The following CYP2A6 variants were observed in gnomAD, a reference collection of about 807,000 sequenced individuals.
CYP2A6 encodes cytochrome P450 2A6.
In CYP2A6, 27 loss-of-function variants were observed where a neutral mutation model predicts 42.3. The ratio of observed to expected loss-of-function variants is 0.64; its 90% CI spans 0.47 to 0.88. The LOEUF (loss-of-function observed/expected upper bound fraction) is 0.88. CYP2A6 is among the 40% of genes least tolerant of loss of function. The pLI, the probability that CYP2A6 is intolerant of heterozygous loss-of-function variation, is 0.00. For missense variants in CYP2A6, 628 were observed against 646.0 expected, an observed-to-expected ratio of 0.97 and a Z score of 0.30; for synonymous variants, 238 against 246.3, an observed-to-expected ratio of 0.97 and a Z score of 0.31.
chr19:40,849,979 A>T lies in CYP2A6; in HGVS notation c.182T>A (p.Ile61Asn), dbSNP rs776709300. The T allele has an allele frequency of 6.2e-7, 1 of 1,610,450 alleles. No homozygotes were observed. Among genetic ancestry groups the T allele is most frequent in the Non-Finnish European group, 8.5e-7 (1 of 1,179,090 alleles). The change falls in exon 2 of 9, where the codon ATC becomes AAC. Residue 61 changes from isoleucine to asparagine, a missense_variant and splice_region_variant. Around this residue, in one of 2 missense-constraint regions of CYP2A6, gnomAD observed 606 missense variants for 568.1 expected, o/e 1.07. Transcript: ENST00000301141. Reference protein sequence around the residue: ...TEQMYNSLMKISERYGPVFTI... With the variant: ...TEQMYNSLMKNSERYGPVFTI... ...GAACACGGGGCCATAGCGCTCACTG[A>T]TCTGATGGAGGTGGGTGGGAGTGGT...
rs1384480065 is a variant in CYP2A6, at chr19:40,843,930, GAA to G, written c.1349_1350del (p.Phe450SerfsTer19). ...TTCTGCATGACGGTGGTGAAGAAGA[GAA>G]AGAGCTCCATTCTGGCCAGGCCTTC... ...FGEGLARMEL[F>X]LFFTTVMQNF... On this transcript the variant is annotated frameshift_variant, in exon 9 of 9. Transcript: ENST00000301141. LOFTEE classifies it low-confidence loss of function (END_TRUNC). The G allele has an allele frequency of 6.2e-7, 1 of 1,611,482 alleles. No homozygotes were observed. Among genetic ancestry groups the G allele is most frequent in the Non-Finnish European group, 8.5e-7 (1 of 1,179,622 alleles).
chr19:40,845,201 A>C, intron 7 of CYP2A6, 93 bp downstream of exon 7: 1 of 1,512,702 alleles, frequency 6.6e-7, no homozygotes, highest in Non-Finnish European at 9.1e-7. Flanking sequence ...GGAGTGGGAC[A>C]GGGTCTAGAA....
chr19:40,849,689 T>C lies in CYP2A6; in HGVS notation c.343+129A>G, dbSNP rs1223327339. 5.3e-6 allele frequency: 8 copies of C among 1,508,510 alleles called. 1 individual carries two copies. Among genetic ancestry groups the C allele is most frequent in the Non-Finnish European group, 7.1e-6 (8 of 1,122,028 alleles). The allele number at this position is 1,508,510 out of a possible 1,614,324, so 93.4% of individuals were successfully genotyped here. Reference sequence around the variant, plus strand: ...ATGGAGAGGCCACAATGAAGGGAGATGGGGAGGGAAGACCAGACTGGGGAC... The same window carrying C: ...ATGGAGAGGCCACAATGAAGGGAGACGGGGAGGGAAGACCAGACTGGGGAC... On this transcript the variant is annotated intron_variant, in intron 2 of 8. Coordinates refer to ENST00000301141, the MANE Select transcript of CYP2A6 (RefSeq NM_000762.6).
rs1382673341 is a variant in CYP2A6 at position 40,849,035 on chromosome 19, AAGAGAGAGAG to A, written c.344-282_344-273del. 1.9e-3 allele frequency among the ~76,000 whole-genome samples: 42 copies of A among 22,550 alleles called. 10 individuals are homozygous for A. The highest frequency in any genetic ancestry group is 2.9e-3 in the Non-Finnish European group (35 of 12,138). 14.8% of individuals were successfully genotyped at this position (22,550 alleles called of 152,430 possible). On this transcript the variant is annotated intron_variant, in intron 2 of 8. Transcript: ENST00000301141. The stretch of plus-strand genomic sequence containing the variant: ...GAAGAGAGAGAGGAGAGAGAGAGAG[AAGAGAGAGAG>A]GAGAGAGAGAGAGAGAGAGAGAGAG...
chr19:40,848,837 T>A, intron 2 of CYP2A6, 74 bp from the exon 3 acceptor site: 1 of 1,522,680 alleles, frequency 6.6e-7, no homozygotes. Context: ...TCCAAGGGGC[T>A]CCCCAAGGGT....
In CYP2A6 at chr19:40,849,809, C is replaced by A. The variant is rs1222544279; in HGVS notation, c.343+9G>T. On this transcript the variant is annotated intron_variant, in intron 2 of 8. Transcript: ENST00000301141. ...CTGGCCACCTTCCCCCTCTTGGGCA[C>A]CCCCTCACCATAGCCTTTGAAGACC... 6.3e-7 allele frequency: 1 copy of A among 1,587,096 alleles called. No homozygotes were observed. Among genetic ancestry groups the A allele is most frequent in the Non-Finnish European group, 8.5e-7 (1 of 1,178,120 alleles).
rs1007119077 is a variant in CYP2A6, at chr19:40,850,069, G to A, written c.181-89C>T. The A allele has an allele frequency of 1.7e-5, 27 of 1,560,148 alleles. 1 individual carries two copies. The highest frequency in any genetic ancestry group is 1.6e-4 in the East Asian group (7 of 42,444). On this transcript the variant is annotated intron_variant, in intron 1 of 8. Coordinates refer to ENST00000301141, the MANE Select transcript of CYP2A6 (RefSeq NM_000762.6). The stretch of plus-strand genomic sequence containing the variant: ...GAGATGTCATGTGCTGGGATGCTTC[G>A]CACCCAGGTTCTCACAGTCAGGGAG...
intron 7 of CYP2A6, 33 bp downstream of exon 7, chr19:40,845,261 C>T (rs369798042): frequency 5.6e-5 from 91 of 1,610,716 alleles, no homozygotes; most frequent in Non-Finnish European, 7.5e-5. Context: ...GGCTGGAAGT[C>T]CCCGTAGTCT....
intron 4 of CYP2A6, 40 bp downstream of exon 4, chr19:40,848,179 T>C: frequency 7.5e-6 from 12 of 1,604,542 alleles, no homozygotes; most frequent in Non-Finnish European, 1.0e-5. Flanking sequence ...AGTTGGCAGG[T>C]TGTGGTAGGG....
rs201027514 is a variant in CYP2A6 at position 40,846,078 on chromosome 19, G to T, written c.851C>A (p.Thr284Lys). The change falls in exon 6 of 9, where the codon ACG (threonine) becomes AAG (lysine). Residue 284 changes from threonine to lysine, a missense_variant. By Grantham distance (78) the Thr-to-Lys change is moderately conservative. Around this residue, in one of 2 missense-constraint regions of CYP2A6, gnomAD observed 606 missense variants for 568.1 expected, o/e 1.07. Transcript: ENST00000301141. ...CACCAGGTTTTTCAAGTAGAACTCCGTGTTGGGGTTCTTCTCCTCCTGCAG... is the reference window on the plus strand; with the variant it reads ...CACCAGGTTTTTCAAGTAGAACTCCTTGTTGGGGTTCTTCTCCTCCTGCAG... ...RMQEEEKNPNTEFYLKNLVMT... is the reference protein window; with the variant it reads ...RMQEEEKNPNKEFYLKNLVMT... 2 of 1,611,652 alleles carry T rather than the reference G, an allele frequency of 1.2e-6. No homozygotes were observed. Among genetic ancestry groups the T allele is most frequent in the Admixed American group, 3.3e-5 (2 of 59,972 alleles).
At chr19:40,849,563 AGG>A (rs1967182483) in intron 2 of CYP2A6, among the ~76,000 whole-genome samples, 1 of 151,192 alleles carries the variant, frequency 6.6e-6, no homozygotes, top group Non-Finnish European at 1.5e-5. Flanking sequence ...ATGGAGAGAG[AGG>A]GGAAAGAGGA....
chr19:40,848,270 C>T lies in CYP2A6; in HGVS notation c.603G>A (p.Leu201=). ...FDYKDKEFLS[L]LRMMLGIFQF... ...GGAAGATTCCTAGCATCATGCGCAA[C>T]AGTGACAGGAACTCTTTGTCCTTAT... Residue 201 remains leucine (L), a synonymous_variant, in exon 4 of 9, where the codon CTG becomes CTA. Transcript: ENST00000301141. 6.2e-7 allele frequency: 1 copy of T among 1,611,878 alleles called. No individual in the cohort carries two copies. The highest frequency in any genetic ancestry group is 8.5e-7 in the Non-Finnish European group (1 of 1,179,956).
At chr19:40,848,930 G>A (rs1162786101) in intron 2 of CYP2A6, among the ~76,000 whole-genome samples, 167 bp from the exon 3 acceptor site, 5 of 107,966 alleles carry the variant, frequency 4.6e-5, no homozygotes, top group Non-Finnish European at 8.8e-5. Flanking sequence ...AGAGAAACAC[G>A]ATGTCGAGGT....
rs1029021609 is a variant in CYP2A6 at position 40,844,556 on chromosome 19, G to T, written c.1303+75C>A. 6 of 1,606,942 alleles carry T rather than the reference G, an allele frequency of 3.7e-6. 1 individual carries two copies. In the African/African-American group the frequency reaches 8.1e-5, roughly 22 times the overall value. ...AGCTGGAGAAATACCAGGCTACACC[G>T]CAGAGAGGGGAGGAGGGTGAGGGAG... On this transcript the variant is annotated intron_variant, in intron 8 of 8. Transcript: ENST00000301141.
chr19:40,846,386 A>G (rs1168821887), intron 5 of CYP2A6, among the ~76,000 whole-genome samples: 1 of 149,464 alleles, frequency 6.7e-6, no homozygotes, highest in African/African-American at 2.5e-5. Context: ...TGGTCTTGCT[A>G]AGTTGCACAG....
At chr19:40,848,080 C>G (rs753965629) in intron 4 of CYP2A6, 139 bp downstream of exon 4, 20 of 1,457,370 alleles carry the variant, frequency 1.4e-5, no homozygotes, top group Non-Finnish European at 1.8e-5. Flanking sequence ...GTGCAACTGT[C>G]CAGTTGTCCA....
In CYP2A6 at chr19:40,846,869, G is replaced by A. The variant is rs767250358; in HGVS notation, c.831+6C>T. 1.3e-5 allele frequency: 21 copies of A among 1,611,720 alleles called. 1 individual carries two copies. Among genetic ancestry groups the A allele is most frequent in the Non-Finnish European group, 1.7e-5 (20 of 1,179,762 alleles). On this transcript the variant is annotated splice_donor_region_variant and intron_variant, in intron 5 of 8. Coordinates refer to ENST00000301141, the MANE Select transcript of CYP2A6 (RefSeq NM_000762.6). ...GCATCTCCCCGCAGTGGCTGCTGGG[G>A]TGTACCTCCTGCATGCGGATGAGAA...
intron 1 of CYP2A6, 106 bp from the exon 2 acceptor site, chr19:40,850,086 G>T: frequency 6.5e-7 from 1 of 1,545,124 alleles, no homozygotes; most frequent in Non-Finnish European, 8.7e-7. Context: ...GGTTCTCACA[G>T]TCAGGGAGCT....
chr19:40,845,177 T>G, intron 7 of CYP2A6, 117 bp downstream of exon 7: 1 of 1,360,208 alleles, frequency 7.4e-7, no homozygotes, highest in Non-Finnish European at 1.0e-6. Context: ...GGAAGTCTTT[T>G]TTGACTGATT....
Sources: gnomAD v4.1 joint callset for allele counts (sites outside exome capture counted in the v4.1 genomes callset) on GRCh38, gnomAD v4.1.1 for gene constraint, gnomAD v4.1.1 regional missense constraint, MANE v1.5 for transcripts, NCBI Gene and HGNC (gene_info 2026-07-23, HGNC 2026-07-21) for gene names.